The following SPOUT1 variants were observed in gnomAD, a reference collection of about 807,000 sequenced individuals.
The protein encoded by SPOUT1 is SPOUT domain containing methyltransferase 1.
In SPOUT1, 40 loss-of-function variants were observed where a neutral mutation model predicts 54.8. The observed-to-expected ratio is 0.73, with a 90% CI of 0.57 to 0.95. SPOUT1 has a LOEUF of 0.95. SPOUT1 is among the 40% of genes least tolerant of loss of function. The probability of loss-of-function intolerance (pLI) is 0.00; values close to 1 mark genes in which losing one functional copy is unlikely to be tolerated. For missense variants in SPOUT1, 437 were observed against 499.5 expected, an observed-to-expected ratio of 0.87 and a Z score of 1.19; for synonymous variants, 193 against 200.3, an observed-to-expected ratio of 0.96 and a Z score of 0.31.
At position 128,829,115 on chromosome 9, in the gene SPOUT1, T is replaced by C. The variant is rs764475652; in HGVS notation, c.77A>G (p.Gln26Arg). The C allele has an allele frequency of 1.4e-5, 23 of 1,613,750 alleles. No individual in the cohort carries two copies. Among genetic ancestry groups the C allele is most frequent in the Non-Finnish European group, 4.2e-6 (5 of 1,179,736 alleles). Residue 26 changes from glutamine (Q) to arginine (R), a missense_variant, in exon 2 of 12, where the codon CAA (glutamine) becomes CGA (arginine). Coordinates refer to ENST00000361256, the MANE Select transcript of SPOUT1 (RefSeq NM_016390.4). ...GQRIEWRKWKQQKKEEKKKWK... is the reference protein window; with the variant it reads ...GQRIEWRKWKRQKKEEKKKWK... ...TCTTACCCACCCTTACTTACTCTGT[T>C]GCTTCCATTTTCGCCACTCAATCCT...
At position 128,826,591 on chromosome 9, in the gene SPOUT1, C is replaced by T; in HGVS notation, c.407G>A (p.Gly136Glu). The change falls in exon 5 of 12, where the codon GGG becomes GAG. Residue 136 changes from glycine (G) to glutamate (E), a missense_variant. Transcript: ENST00000361256. This position sits in a 1 kb window ranked among gnomAD's most constrained non-coding sequence, Gnocchi z 5.5. ...EGEFTGVGKKGQACVQLARIL... is the reference protein window; with the variant it reads ...EGEFTGVGKKEQACVQLARIL... Reference sequence around the variant, plus strand: ...CCGGGCCAGCTGTACGCACGCCTGCCCCTTCTTCCCAACTCCTGTGAATTC... The same window carrying T: ...CCGGGCCAGCTGTACGCACGCCTGCTCCTTCTTCCCAACTCCTGTGAATTC... 1 of 1,600,740 alleles carries T rather than the reference C, an allele frequency of 6.2e-7. No homozygotes were observed. Among genetic ancestry groups the T allele is most frequent in the Non-Finnish European group, 8.5e-7 (1 of 1,172,788 alleles).
rs375992141 is a variant in SPOUT1, at chr9:128,828,731, T to G, written c.208+4A>C. 669 of 1,613,192 alleles carry G rather than the reference T, an allele frequency of 4.1e-4. 3 individuals are homozygous for G. Among genetic ancestry groups the G allele is most frequent in the South Asian group, 3.7e-3 (340 of 91,050 alleles). The stretch of plus-strand genomic sequence containing the variant: ...CTGTGGCCCTCCCCAAGACCCCAGC[T>G]CACCGCGGTCCTCCTTCTCTGCCGC... On this transcript the variant is annotated splice_donor_region_variant and intron_variant, in intron 3 of 11. Transcript: ENST00000361256.
At chr9:128,827,228 G>A (rs1198902965) in intron 3 of SPOUT1, 37 bp from the exon 4 acceptor site, 1 of 1,576,640 alleles carries the variant, frequency 6.3e-7, no homozygotes, top group Non-Finnish European at 8.6e-7. Context: ...CAGTGTGAGA[G>A]GCAAGGGCCC....
In SPOUT1 at chr9:128,822,599, G is replaced by C. The variant is rs1312601912; in HGVS notation, c.*166C>G. On this transcript the variant is annotated 3_prime_UTR_variant, in exon 12 of 12. Coordinates refer to ENST00000361256, the MANE Select transcript of SPOUT1 (RefSeq NM_016390.4). ...AGGCAGCCTCAAGGCCATCACGGCG[G>C]GCAGTAAGTGAGGGTGGAGCCCAGT... 1 of 1,569,072 alleles carries C rather than the reference G, an allele frequency of 6.4e-7. No homozygotes were observed. Among genetic ancestry groups the C allele is most frequent in the African/African-American group, 1.3e-5 (1 of 74,288 alleles).
chr9:128,826,738 G>C lies in SPOUT1; in HGVS notation c.369-109C>G. ...GCTACTCAGGAGGCTAAGGTGGGAG[G>C]ATCATCTGAGTGCAGCAAGTAGAGG... On this transcript the variant is annotated intron_variant, in intron 4 of 11. Transcript: ENST00000361256. The surrounding 1 kb of genome is among the most constrained non-coding windows in gnomAD (Gnocchi z 5.5). 1 of 802,994 alleles carries C rather than the reference G, an allele frequency of 1.2e-6. No homozygotes were observed. Among genetic ancestry groups the C allele is most frequent in the Non-Finnish European group, 2.0e-6 (1 of 509,316 alleles). 49.7% of individuals were successfully genotyped at this position (802,994 alleles called of 1,614,324 possible). A position where few individuals can be genotyped will look rare whatever the true frequency, so the allele number is the denominator to read the frequency against.
chr9:128,826,086 C>A lies in SPOUT1; in HGVS notation c.575G>T (p.Gly192Val), dbSNP rs754662674. 7 of 1,613,804 alleles carry A rather than the reference C, an allele frequency of 4.3e-6. No individual in the cohort carries two copies. Among genetic ancestry groups the A allele is most frequent in the Non-Finnish European group, 5.9e-6 (7 of 1,179,866 alleles). The change falls in exon 7 of 12, where the codon GGC becomes GTC. Residue 192 changes from glycine to valine, a missense_variant. Gly to Val is a moderately radical substitution (Grantham distance 109, BLOSUM62 -3). Coordinates refer to ENST00000361256, the MANE Select transcript of SPOUT1 (RefSeq NM_016390.4). The surrounding 1 kb of genome is among the most constrained non-coding windows in gnomAD (Gnocchi z 5.5). The stretch of plus-strand genomic sequence containing the variant: ...CCGGGTGGGCCGATCCACCACGATG[C>A]CCTCTCGGAACTCGGATTCCTCATC... ...RQDEESEFRE[G>V]IVVDRPTRPG...
At chr9:128,828,224 G>A (rs775205427) in intron 3 of SPOUT1, among the ~76,000 whole-genome samples, 4 of 152,160 alleles carry the variant, frequency 2.6e-5, no homozygotes, top group African/African-American at 4.8e-5. Flanking sequence ...GGCCGGGCAC[G>A]GTGGCTCATG....
In SPOUT1 at chr9:128,824,074, G is replaced by C. The variant is rs1156869454; in HGVS notation, c.912C>G (p.Phe304Leu). Residue 304 changes from phenylalanine (F) to leucine (L), a missense_variant and splice_region_variant, in exon 10 of 12, where the codon TTC (phenylalanine) becomes TTG (leucine). By Grantham distance (22) the Phe-to-Leu change is conservative. Coordinates refer to ENST00000361256, the MANE Select transcript of SPOUT1 (RefSeq NM_016390.4). ...CCGCAGCCCCAGGAGGTACACACCT[G>C]AAGTTGGGAAGCTGGGCAGAGGCCA... is the stretch of plus-strand genomic sequence containing the variant. ...SDVASAQLPNFRHALVVFGGL... is the reference protein window; with the variant it reads ...SDVASAQLPNLRHALVVFGGL... 1.9e-6 allele frequency: 3 copies of C among 1,612,384 alleles called. No homozygotes were observed. The highest frequency in any genetic ancestry group is 1.1e-5 in the South Asian group (1 of 91,054).
At chr9:128,823,985 C>A in intron 10 of SPOUT1, 87 bp downstream of exon 10, 1 of 1,576,602 alleles carries the variant, frequency 6.3e-7, no homozygotes, top group Non-Finnish European at 8.7e-7. Context: ...CCCCAGACAG[C>A]AGGGGCCCAT....
In SPOUT1 at chr9:128,825,248, C is replaced by T. The variant is rs72758863; in HGVS notation, c.640-199G>A. On this transcript the variant is annotated intron_variant, in intron 7 of 11. Coordinates refer to ENST00000361256, the MANE Select transcript of SPOUT1 (RefSeq NM_016390.4). ...TGCAAAACACAGGTCACTGGCCAAA[C>T]ATGCACCTTTGGGGCGCTCATGGCA... is the stretch of plus-strand genomic sequence containing the variant. Among the ~76,000 whole-genome samples the T allele has an allele frequency of 5.9e-3, 897 of 152,356 alleles. 3 individuals are homozygous for T. Among genetic ancestry groups the T allele is most frequent in the South Asian group, 0.013 (64 of 4,834 alleles).
chr9:128,823,850 C>G lies in SPOUT1; in HGVS notation c.959G>C (p.Gly320Ala). ...VFGGLQGLEAGADADPNLEVA... is the reference protein window; with the variant it reads ...VFGGLQGLEAAADADPNLEVA... ...CTCCAGGTTGGGGTCAGCATCCGCT[C>G]CAGCTTCCAGACCCTGGAGGCCCCC... Residue 320 changes from glycine to alanine, a missense_variant, in exon 11 of 12, where the codon GGA becomes GCA. Physicochemically the swap from Gly to Ala is moderately conservative, Grantham distance 60. Coordinates refer to ENST00000361256, the MANE Select transcript of SPOUT1 (RefSeq NM_016390.4). The G allele has an allele frequency of 6.2e-7, 1 of 1,613,292 alleles. No homozygotes were observed. The highest frequency in any genetic ancestry group is 8.5e-7 in the Non-Finnish European group (1 of 1,179,916).
Position 128,822,561 on chromosome 9 carries a change from T to A in SPOUT1, c.*204A>T. The A allele has an allele frequency of 6.4e-7, 1 of 1,564,172 alleles. No homozygotes were observed. The highest frequency in any genetic ancestry group is 8.7e-7 in the Non-Finnish European group (1 of 1,154,076). On this transcript the variant is annotated 3_prime_UTR_variant, in exon 12 of 12. Coordinates refer to ENST00000361256, the MANE Select transcript of SPOUT1 (RefSeq NM_016390.4). ...TCGGGGCTGCTCTTTGTGCCAAACA[T>A]CCTGGCGCGGGCAGGCAGCCTCAAG...
Position 128,827,893 on chromosome 9 carries a change from C to A in SPOUT1, c.209-702G>T, listed in dbSNP as rs1400576399. Among the ~76,000 whole-genome samples the A allele has an allele frequency of 2.6e-5, 4 of 152,312 alleles. No individual in the cohort carries two copies. In the East Asian group the frequency reaches 7.7e-4, roughly 29 times the overall value. ...CGGAGATCGAGCCACTGCACTCCAGCCTGGGCAACAGAGCGAGACTGTGTC... is the reference window on the plus strand; with the variant it reads ...CGGAGATCGAGCCACTGCACTCCAGACTGGGCAACAGAGCGAGACTGTGTC... On this transcript the variant is annotated intron_variant, in intron 3 of 11. Coordinates refer to ENST00000361256, the MANE Select transcript of SPOUT1 (RefSeq NM_016390.4).
intron 7 of SPOUT1, 127 bp downstream of exon 7, chr9:128,825,895 C>G: frequency 8.0e-7 from 1 of 1,243,636 alleles, no homozygotes; most frequent in South Asian, 1.4e-5. Flanking sequence ...GCACAATTCT[C>G]TGGCCCAAAT....
In SPOUT1 at chr9:128,823,842, C is replaced by A; in HGVS notation, c.967G>T (p.Ala323Ser). 1 of 1,612,948 alleles carries A rather than the reference C, an allele frequency of 6.2e-7. No homozygotes were observed. Among genetic ancestry groups the A allele is most frequent in the Non-Finnish European group, 8.5e-7 (1 of 1,179,762 alleles). ...GLQGLEAGADADPNLEVAEPS... is the reference protein window; with the variant it reads ...GLQGLEAGADSDPNLEVAEPS... ...TCAGCCACCTCCAGGTTGGGGTCAG[C>A]ATCCGCTCCAGCTTCCAGACCCTGG... Residue 323 changes from alanine (A) to serine (S), a missense_variant, in exon 11 of 12, where the codon GCT becomes TCT. Physicochemically the swap from Ala to Ser is moderately conservative, Grantham distance 99. Transcript: ENST00000361256.
intron 11 of SPOUT1, among the ~76,000 whole-genome samples, chr9:128,823,544 C>G (rs533894572): frequency 2.0e-5 from 3 of 152,252 alleles, no homozygotes; most frequent in South Asian, 4.1e-4. Context: ...TCTGGGAGCA[C>G]AGGACGGGCA....
At chr9:128,823,195 C>T (rs763084971) in intron 11 of SPOUT1, among the ~76,000 whole-genome samples, 2 of 152,238 alleles carry the variant, frequency 1.3e-5, no homozygotes, top group South Asian at 2.1e-4. Flanking sequence ...TCAGAGTGCT[C>T]GGCTTGGGCA....
rs1830086545 is a variant in SPOUT1 at position 128,820,432 on chromosome 9, T to TG, written c.*2332dup. Reference sequence around the variant, plus strand: ...AAGGGCTGGTCTTCCCAGGAGACCCTGGGTGGGGCTGGGGACAGGCCTCAG... The same window carrying TG: ...AAGGGCTGGTCTTCCCAGGAGACCCTGGGGTGGGGCTGGGGACAGGCCTCAG... On this transcript the variant is annotated 3_prime_UTR_variant, in exon 12 of 12. Coordinates refer to ENST00000361256, the MANE Select transcript of SPOUT1 (RefSeq NM_016390.4). 1 of 329,662 alleles carries TG rather than the reference T, an allele frequency of 3.0e-6. No homozygotes were observed. Among genetic ancestry groups the TG allele is most frequent in the African/African-American group, 2.1e-5 (1 of 47,510 alleles). 20.4% of individuals were successfully genotyped at this position (329,662 alleles called of 1,614,324 possible). A position where few individuals can be genotyped will look rare whatever the true frequency, so the allele number is the denominator to read the frequency against.
chr9:128,825,136 G>A (rs565918286), intron 7 of SPOUT1, 87 bp from the exon 8 acceptor site: 13 of 1,051,870 alleles, frequency 1.2e-5, no homozygotes, highest in Non-Finnish European at 1.9e-5. Context: ...GGGGAGCCCC[G>A]GGGCTGGCAA....
Sources: gnomAD v4.1 joint callset for allele counts (sites outside exome capture counted in the v4.1 genomes callset) on GRCh38, gnomAD v4.1.1 for gene constraint, Gnocchi (gnomAD v3.1) non-coding constraint, MANE v1.5 for transcripts, NCBI Gene and HGNC (gene_info 2026-07-23, HGNC 2026-07-21) for gene names.